Variants in RBFOX1 observed in about 807,000 individuals in gnomAD.
RBFOX1 encodes RNA binding protein fox-1 homolog 1.
RBFOX1 carries 8 observed loss-of-function variants against 57.7 expected under a neutral mutation model. The ratio of observed to expected loss-of-function variants is 0.14; its 90% CI spans 0.08 to 0.25. The LOEUF (loss-of-function observed/expected upper bound fraction) is 0.25. RBFOX1 is among the 10% of genes least tolerant of loss of function. The probability of loss-of-function intolerance (pLI) is 1.00; values close to 1 mark genes in which losing one functional copy is unlikely to be tolerated. For synonymous variants in RBFOX1, 326 were observed against 222.4 expected (o/e 1.47, Z -4.15); for missense variants, 611 against 548.5 (o/e 1.11, Z -1.14).
intron 3 of RBFOX1, among the ~76,000 whole-genome samples, chr16:5,712,355 T>C (rs997663028): frequency 1.1e-4 from 16 of 152,228 alleles, no homozygotes; most frequent in African/African-American, 2.7e-4. Context: ...ATATTTATTA[T>C]GTAGACAAGT....
chr16:5,807,563 G>A (rs531588075), intron 3 of RBFOX1, among the ~76,000 whole-genome samples: 3 of 151,388 alleles, frequency 2.0e-5, no homozygotes, highest in South Asian at 4.2e-4. Flanking sequence ...TTATAGCCTC[G>A]TTATAACTTA....
At chr16:5,431,494 A>T (rs377406592) in intron 1 of RBFOX1, among the ~76,000 whole-genome samples, 1 of 151,128 alleles carries the variant, frequency 6.6e-6, no homozygotes, top group African/African-American at 2.4e-5. Flanking sequence ...TCTGCCTCAG[A>T]CTCCTGAGTG....
intron 2 of RBFOX1, 80 bp downstream of exon 2, chr16:6,317,137 C>G (rs1274634415): frequency 1.4e-5 from 19 of 1,363,436 alleles, no homozygotes; most frequent in Non-Finnish European, 1.9e-5. Context: ...AAGCTCTTTT[C>G]TGCAGGTTTG....
At chr16:6,499,560 G>A (rs1012585579) in intron 2 of RBFOX1, among the ~76,000 whole-genome samples, 4 of 152,082 alleles carry the variant, frequency 2.6e-5, no homozygotes, top group African/African-American at 4.8e-5. Context: ...TCCCGTGTGA[G>A]CCATGATTCC....
rs116984219 is a variant in RBFOX1, at chr16:6,927,554, T to G, written c.-15-124503T>G. Among the ~76,000 whole-genome samples the G allele has an allele frequency of 3.0e-4, 45 of 152,186 alleles. 1 individual carries two copies. The East Asian group carries it at 8.1e-3, about 27-fold the overall frequency. On this transcript the variant is annotated intron_variant, in intron 3 of 15. Transcript: ENST00000550418. ...TTTCTTTGTTTTGTTTTGTTTTGTT[T>G]TTCGTTTTTGCATCATTCACTGCTG...
At chr16:6,735,169 C>T (rs1014898522) in intron 3 of RBFOX1, among the ~76,000 whole-genome samples, 7 of 137,358 alleles carry the variant, frequency 5.1e-5, no homozygotes, top group African/African-American at 1.6e-4. Flanking sequence ...ACAACAACAT[C>T]AACAACAACA....
chr16:6,836,990 C>G (rs750855723), intron 3 of RBFOX1, among the ~76,000 whole-genome samples: 29 of 152,060 alleles, frequency 1.9e-4, no homozygotes, highest in Non-Finnish European at 3.1e-4. Flanking sequence ...ATGAATGACT[C>G]ACATAGCTTC....
At chr16:7,543,089 C>T (rs2083407362) in intron 5 of RBFOX1, among the ~76,000 whole-genome samples, 1 of 152,140 alleles carries the variant, frequency 6.6e-6, no homozygotes, top group Non-Finnish European at 1.5e-5. Context: ...AAGCATGGTA[C>T]TGTGGCAGCA....
intron 2 of RBFOX1, among the ~76,000 whole-genome samples, chr16:6,408,182 C>G (rs903174585): frequency 6.6e-6 from 1 of 152,148 alleles, no homozygotes; most frequent in Non-Finnish European, 1.5e-5. Context: ...TAATAAGCCA[C>G]TGTGTCTAAG....
At chr16:5,568,657 C>T (rs529090499) in intron 2 of RBFOX1, among the ~76,000 whole-genome samples, 3 of 152,272 alleles carry the variant, frequency 2.0e-5, no homozygotes, top group Non-Finnish European at 4.4e-5. Context: ...TCCTGCAGTT[C>T]CTTGTCCACC....
At chr16:5,858,793 G>C (rs1480273649) in intron 3 of RBFOX1, among the ~76,000 whole-genome samples, 1 of 152,220 alleles carries the variant, frequency 6.6e-6, no homozygotes, top group African/African-American at 2.4e-5. Context: ...CCATGAATGG[G>C]CTCTTTCCTT....
rs142827692 is a variant in RBFOX1 at position 6,754,112 on chromosome 16, A to C, written c.-16+99462A>C. Among the ~76,000 whole-genome samples, 17 of 152,292 alleles carry C rather than the reference A, an allele frequency of 1.1e-4. No homozygotes were observed. The East Asian group carries it at 3.3e-3, about 29-fold the overall frequency. On this transcript the variant is annotated intron_variant, in intron 3 of 15. Transcript: ENST00000550418. Reference sequence around the variant, plus strand: ...TTACCTAAGTATTTTGAGCAGTGCAAAGACATATCATTTCACTTCATATTA... The same window carrying C: ...TTACCTAAGTATTTTGAGCAGTGCACAGACATATCATTTCACTTCATATTA...
At chr16:7,473,140 G>A (rs1235649783) in intron 4 of RBFOX1, among the ~76,000 whole-genome samples, 1 of 152,126 alleles carries the variant, frequency 6.6e-6, no homozygotes, top group Non-Finnish European at 1.5e-5. Flanking sequence ...CCCTTTGGGA[G>A]GCTGAGGTGG....
At chr16:6,183,993 T>G (rs1423621134) in intron 1 of RBFOX1, among the ~76,000 whole-genome samples, 1 of 152,154 alleles carries the variant, frequency 6.6e-6, no homozygotes, top group Admixed American at 6.5e-5. Context: ...TTAATGGACT[T>G]CCAGTTCCAC....
intron 3 of RBFOX1, among the ~76,000 whole-genome samples, chr16:6,666,825 C>G (rs2098736080): frequency 6.6e-6 from 1 of 152,096 alleles, no homozygotes; most frequent in African/African-American, 2.4e-5. Context: ...TGATATATCT[C>G]TGCATTGAAT....
intron 10 of RBFOX1, among the ~76,000 whole-genome samples, chr16:7,628,913 G>A (rs1042801517): frequency 5.9e-5 from 9 of 152,188 alleles, no homozygotes; most frequent in African/African-American, 1.7e-4. Flanking sequence ...ACACCTGGCC[G>A]ATAAACTGTT....
At chr16:7,071,042 C>T (rs540576542) in intron 4 of RBFOX1, among the ~76,000 whole-genome samples, 1 of 152,300 alleles carries the variant, frequency 6.6e-6, no homozygotes, top group Non-Finnish European at 1.5e-5. Context: ...CTTCAAAAAA[C>T]AGCATAGCCC....
Position 6,722,044 on chromosome 16 carries a change from T to C in RBFOX1, c.-16+67394T>C, listed in dbSNP as rs562638564. The C allele has an allele frequency of 3.3e-5, 5 of 152,434 alleles. 1 individual carries two copies. The South Asian group carries it at 1.0e-3, about 32-fold the overall frequency. The allele number at this position is 152,434 out of a possible 1,614,324, so 9.4% of individuals were successfully genotyped here. Reference sequence around the variant, plus strand: ...AGGTTAAATGGTATTTCCTCCTATGTATCTACTGATGAACGCTTGGATTGC... The same window carrying C: ...AGGTTAAATGGTATTTCCTCCTATGCATCTACTGATGAACGCTTGGATTGC... On this transcript the variant is annotated intron_variant, in intron 3 of 15. Coordinates refer to ENST00000550418, the MANE Select transcript of RBFOX1 (RefSeq NM_018723.4).
chr16:6,589,764 A>G (rs1412378643), intron 2 of RBFOX1, among the ~76,000 whole-genome samples: 1 of 152,260 alleles, frequency 6.6e-6, no homozygotes, highest in African/African-American at 2.4e-5. Flanking sequence ...AAATTAAACT[A>G]TAAACTAGGT....
Sources: allele counts gnomAD v4.1 joint callset (sites outside exome capture counted in the v4.1 genomes callset), GRCh38; gene constraint gnomAD v4.1.1; transcripts MANE v1.5; gene names NCBI Gene and HGNC (gene_info 2026-07-23, HGNC 2026-07-21).